The following CPQ variants were observed in gnomAD, a reference collection of about 807,000 sequenced individuals.
CPQ encodes the protein Ser-Met dipeptidase.
A neutral mutation model predicts 45.7 loss-of-function variants in CPQ; 37 were observed. That is an observed-to-expected ratio of 0.81 (90% CI 0.62 to 1.07). The LOEUF (loss-of-function observed/expected upper bound fraction) is 1.07. CPQ is among the 50% of genes least tolerant of loss of function. The probability of loss-of-function intolerance (pLI) is 0.00; values close to 1 mark genes in which losing one functional copy is unlikely to be tolerated. For synonymous variants in CPQ, 186 were observed against 205.8 expected (o/e 0.90, Z 0.82); for missense variants, 537 against 572.9 (o/e 0.94, Z 0.64).
rs762879745 is a variant in CPQ, at chr8:97,077,181, G to A, written c.1255+10971G>A. ...ATTCAACTTTTTCTTGTAAAGTCAC[G>A]ACTTTTCCCTGCTTCTTGGGAGCAC... On this transcript the variant is annotated intron_variant, in intron 7 of 7. Transcript: ENST00000220763. 7.2e-4 allele frequency among the ~76,000 whole-genome samples: 109 copies of A among 152,236 alleles called. 1 individual carries two copies. The highest frequency in any genetic ancestry group is 6.8e-3 in the Middle Eastern group (2 of 294).
intron 1 of CPQ, among the ~76,000 whole-genome samples, chr8:96,668,548 C>T (rs762051026): frequency 6.6e-6 from 1 of 152,130 alleles, no homozygotes; most frequent in Non-Finnish European, 1.5e-5. Context: ...TATTAACACT[C>T]ATGTTTGCTT....
intron 6 of CPQ, among the ~76,000 whole-genome samples, chr8:97,045,561 A>C (rs572030780): frequency 3.3e-5 from 5 of 152,208 alleles, no homozygotes. Context: ...GAAATGCAGA[A>C]ATCACCTGTC....
At chr8:96,784,769 G>T in intron 1 of CPQ, 95 bp from the exon 2 acceptor site, 1 of 851,902 alleles carries the variant, frequency 1.2e-6, no homozygotes, top group Non-Finnish European at 1.8e-6. Context: ...GTTGGGAAGG[G>T]AAGGGGAATG....
In CPQ at chr8:96,943,309, A is replaced by G. The variant is rs1445729113; in HGVS notation, c.850-22626A>G. Among the ~76,000 whole-genome samples the G allele has an allele frequency of 3.9e-5, 6 of 152,314 alleles. No homozygotes were observed. The East Asian group carries it at 1.2e-3, about 29-fold the overall frequency. On this transcript the variant is annotated intron_variant, in intron 4 of 7. Coordinates refer to ENST00000220763, the MANE Select transcript of CPQ (RefSeq NM_016134.4). ...GGTGCATCTGTAGATGCGTGTACACAATAATTAAGTTTGTTATAAAGATCC... is the reference window on the plus strand; with the variant it reads ...GGTGCATCTGTAGATGCGTGTACACGATAATTAAGTTTGTTATAAAGATCC...
chr8:97,005,297 G>C (rs1260201338), intron 5 of CPQ, among the ~76,000 whole-genome samples: 1 of 151,912 alleles, frequency 6.6e-6, no homozygotes, highest in Non-Finnish European at 1.5e-5. Flanking sequence ...GGCCAAGATG[G>C]TCTCAATCGC....
intron 1 of CPQ, among the ~76,000 whole-genome samples, chr8:96,781,975 C>G (rs1301115168): frequency 1.3e-5 from 2 of 152,166 alleles, no homozygotes; most frequent in Non-Finnish European, 2.9e-5. Context: ...CCTGGACACA[C>G]TGGGGAAGGG....
intron 4 of CPQ, among the ~76,000 whole-genome samples, chr8:96,931,159 C>T (rs1013151372): frequency 6.6e-6 from 1 of 152,206 alleles, no homozygotes; most frequent in Non-Finnish European, 1.5e-5. Context: ...TATTAGGTAA[C>T]AAGCCTCCAC....
intron 1 of CPQ, among the ~76,000 whole-genome samples, chr8:96,657,311 C>T (rs1048469135): frequency 6.6e-6 from 1 of 152,168 alleles, no homozygotes; most frequent in African/African-American, 2.4e-5. Flanking sequence ...TGCCACTGCA[C>T]TTCAGCTGGG....
At chr8:97,023,086 CTATGTATAT>C (rs1809737976) in intron 5 of CPQ, among the ~76,000 whole-genome samples, 1 of 91,044 alleles carries the variant, frequency 1.1e-5, no homozygotes, top group Non-Finnish European at 2.5e-5. Context: ...TATATATACA[CTATGTATAT>C]ACTATATATA....
intron 7 of CPQ, among the ~76,000 whole-genome samples, chr8:97,130,628 A>G (rs1028205777): frequency 1.3e-5 from 2 of 152,166 alleles, no homozygotes; most frequent in African/African-American, 4.8e-5. Context: ...TTTAAATGCT[A>G]AATTTACCTC....
rs1444075738 is a variant in CPQ at position 96,835,070 on chromosome 8, C to T, written c.531C>T (p.Tyr177=). ...RGKIVVYNQP[Y]INYSRTVQYR... Reference sequence around the variant, plus strand: ...AGATTGTTGTTTATAACCAACCTTACATCAACTACTCAAGGACGGTGCAAT... The same window carrying T: ...AGATTGTTGTTTATAACCAACCTTATATCAACTACTCAAGGACGGTGCAAT... The change falls in exon 3 of 8, where the codon TAC becomes TAT. Residue 177 remains tyrosine, a synonymous_variant. Transcript: ENST00000220763. 1 of 1,613,520 alleles carries T rather than the reference C, an allele frequency of 6.2e-7. No individual in the cohort carries two copies. The highest frequency in any genetic ancestry group is 1.3e-5 in the African/African-American group (1 of 75,026).
In CPQ at chr8:96,737,353, G is replaced by GATATATATATATAT. The variant is rs1277946599; in HGVS notation, c.-34-47510_-34-47509insTATATATATATATA. Reference sequence around the variant, plus strand: ...ACACACACTCACACAGAACTAATAGGAGATATATATATATATGAGTTTATT... The same window carrying GATATATATATATAT: ...ACACACACTCACACAGAACTAATAGGATATATATATATATAGATATATATATATATGAGTTTATT... On this transcript the variant is annotated intron_variant, in intron 1 of 7. Transcript: ENST00000220763. Among the ~76,000 whole-genome samples the GATATATATATATAT allele has an allele frequency of 3.2e-4, 14 of 43,348 alleles. 2 individuals are homozygous for GATATATATATATAT. Among genetic ancestry groups the GATATATATATATAT allele is most frequent in the African/African-American group, 9.3e-4 (14 of 15,040 alleles). The allele number at this position is 43,348 out of a possible 152,430, so 28.4% of individuals were successfully genotyped here. A position where few individuals can be genotyped will look rare whatever the true frequency, so the allele number is the denominator to read the frequency against.
intron 2 of CPQ, among the ~76,000 whole-genome samples, chr8:96,791,105 A>C (rs1227305344): frequency 6.6e-6 from 1 of 152,180 alleles, no homozygotes; most frequent in Non-Finnish European, 1.5e-5. Context: ...AAGGATTAGC[A>C]CTTTTTTTCC....
intron 1 of CPQ, among the ~76,000 whole-genome samples, chr8:96,730,769 G>A (rs1411260011): frequency 6.6e-6 from 1 of 150,600 alleles, no homozygotes; most frequent in Non-Finnish European, 1.5e-5. Context: ...TGTCTCAGGT[G>A]TGGCCAGGGC....
At chr8:96,892,372 G>A (rs776963043) in intron 4 of CPQ, among the ~76,000 whole-genome samples, 1 of 152,068 alleles carries the variant, frequency 6.6e-6, no homozygotes, top group Non-Finnish European at 1.5e-5. Flanking sequence ...CTTCTTAGTG[G>A]GAACAGCAGG....
chr8:96,680,885 A>T (rs1361706240), intron 1 of CPQ, among the ~76,000 whole-genome samples: 2 of 152,178 alleles, frequency 1.3e-5, no homozygotes, highest in Non-Finnish European at 2.9e-5. Context: ...GAACTGAAGC[A>T]AAGGTTATGT....
At chr8:96,872,870 A>G (rs1437313728) in intron 3 of CPQ, among the ~76,000 whole-genome samples, 1 of 151,896 alleles carries the variant, frequency 6.6e-6, no homozygotes, top group Non-Finnish European at 1.5e-5. Context: ...AATTTTAGCT[A>G]TTTTAACTTT....
chr8:96,805,530 A>C (rs1811068670), intron 2 of CPQ, among the ~76,000 whole-genome samples: 4 of 152,144 alleles, frequency 2.6e-5, no homozygotes, highest in Admixed American at 2.0e-4. Context: ...CATTTACCGC[A>C]CTCAGAGCCT....
intron 4 of CPQ, among the ~76,000 whole-genome samples, chr8:96,959,365 C>A (rs983075091): frequency 2.0e-5 from 3 of 152,144 alleles, no homozygotes; most frequent in Admixed American, 2.0e-4. Context: ...TAGATGGAAC[C>A]TTGGAAGGTT....
Sources: gnomAD v4.1 joint callset for allele counts (sites outside exome capture counted in the v4.1 genomes callset) on GRCh38, gnomAD v4.1.1 for gene constraint, MANE v1.5 for transcripts, NCBI Gene and HGNC (gene_info 2026-07-23, HGNC 2026-07-21) for gene names.